The following NAALADL2 variants were observed in gnomAD, a reference collection of about 807,000 sequenced individuals.
NAALADL2 encodes the protein N-acetylated alpha-linked acidic dipeptidase like 2.
NAALADL2 carries 76 observed loss-of-function variants against 87.2 expected under a neutral mutation model. That is an observed-to-expected ratio of 0.87 (90% CI 0.72 to 1.05). The LOEUF is 1.05. NAALADL2 is among the 50% of genes least tolerant of loss of function. NAALADL2 has a pLI of 0.00. For missense variants in NAALADL2, 1,089 were observed against 945.8 expected, an observed-to-expected ratio of 1.15 and a Z score of -1.99; for synonymous variants, 354 against 331.0, an observed-to-expected ratio of 1.07 and a Z score of -0.75.
intron 2 of NAALADL2, among the ~76,000 whole-genome samples, chr3:174,682,349 A>T (rs74475356): frequency 1.3e-5 from 2 of 152,160 alleles, no homozygotes; most frequent in African/African-American, 4.8e-5. Context: ...GAAGGGAAGG[A>T]CACAAGCCTG....
At chr3:175,441,014 T>C (rs1233117623) in intron 5 of NAALADL2, among the ~76,000 whole-genome samples, 3 of 152,146 alleles carry the variant, frequency 2.0e-5, no homozygotes, top group Non-Finnish European at 4.4e-5. Flanking sequence ...TTTACTGATA[T>C]AGTTAATTTG....
chr3:175,192,865 G>GT (rs992333717), intron 2 of NAALADL2, among the ~76,000 whole-genome samples: 2 of 151,484 alleles, frequency 1.3e-5, no homozygotes, highest in Non-Finnish European at 3.0e-5. Context: ...ATTTTGATCA[G>GT]TTTAAAATTT....
intron 2 of NAALADL2, among the ~76,000 whole-genome samples, chr3:175,190,315 G>A (rs1336849915): frequency 2.6e-5 from 4 of 152,060 alleles, no homozygotes; most frequent in South Asian, 2.1e-4. Context: ...TCTCTGTTAA[G>A]GGGTTAATAT....
At chr3:174,454,448 A>G (rs1156660924) in intron 1 of NAALADL2, among the ~76,000 whole-genome samples, 2 of 152,142 alleles carry the variant, frequency 1.3e-5, no homozygotes, top group Non-Finnish European at 2.9e-5. Context: ...TCTTCTCATC[A>G]CCACATTACA....
intron 2 of NAALADL2, among the ~76,000 whole-genome samples, chr3:175,143,752 A>C (rs568205719): frequency 3.0e-4 from 46 of 151,996 alleles, no homozygotes; most frequent in East Asian, 2.5e-3. Flanking sequence ...TTGGGGAATA[A>C]ATGTATTCTC....
chr3:175,632,266 T>TTCTCTCTCTCTC lies in NAALADL2; in HGVS notation c.1896+4913_1896+4924dup, dbSNP rs61458338. Among the ~76,000 whole-genome samples, 152 of 129,546 alleles carry TTCTCTCTCTCTC rather than the reference T, an allele frequency of 1.2e-3. 1 individual carries two copies. The highest frequency in any genetic ancestry group is 3.8e-3 in the African/African-American group (143 of 37,186). 85.0% of individuals were successfully genotyped at this position (129,546 alleles called of 152,430 possible). A position where few individuals can be genotyped will look rare whatever the true frequency, so the allele number is the denominator to read the frequency against. On this transcript the variant is annotated intron_variant, in intron 11 of 13. Coordinates refer to ENST00000454872, the MANE Select transcript of NAALADL2 (RefSeq NM_207015.3). Reference sequence around the variant, plus strand: ...TTTAAAAGTGTGTGGCACTTTCCCCTTCTCTCTCTCTCTCTCTCTCTCTCT... The same window carrying TTCTCTCTCTCTC: ...TTTAAAAGTGTGTGGCACTTTCCCCTTCTCTCTCTCTCTCTCTCTCTCTCTCTCTCTCTCTCT...
chr3:174,775,564 G>A (rs1301562852), intron 3 of NAALADL2, among the ~76,000 whole-genome samples: 4 of 151,482 alleles, frequency 2.6e-5, no homozygotes, highest in Non-Finnish European at 5.9e-5. Flanking sequence ...TTGTAGAAAT[G>A]CAGTTAAGCA....
intron 10 of NAALADL2, among the ~76,000 whole-genome samples, chr3:175,609,069 G>A (rs546114409): frequency 6.6e-6 from 1 of 151,870 alleles, no homozygotes; most frequent in South Asian, 2.1e-4. Flanking sequence ...TTTCACTTTG[G>A]AGCAGCAGTG....
At chr3:174,708,599 T>C (rs1415744697) in intron 2 of NAALADL2, among the ~76,000 whole-genome samples, 1 of 152,200 alleles carries the variant, frequency 6.6e-6, no homozygotes, top group Non-Finnish European at 1.5e-5. Flanking sequence ...ATAAATTTTA[T>C]GAGTCAAATG....
At chr3:174,562,593 A>C (rs913498205) in intron 2 of NAALADL2, among the ~76,000 whole-genome samples, 1 of 152,106 alleles carries the variant, frequency 6.6e-6, no homozygotes, top group East Asian at 1.9e-4. Flanking sequence ...ATATATTAGC[A>C]TTCTTTTTGC....
At position 175,340,040 on chromosome 3, in the gene NAALADL2, T is replaced by C. The variant is rs540866541; in HGVS notation, c.1090+15715T>C. Reference sequence around the variant, plus strand: ...AGAGTTTCATGGGTGTGGCATATGATATTCACTGTTACTACTAACTCTCTA... The same window carrying C: ...AGAGTTTCATGGGTGTGGCATATGACATTCACTGTTACTACTAACTCTCTA... On this transcript the variant is annotated intron_variant, in intron 5 of 13. Transcript: ENST00000454872. 1.4e-3 allele frequency among the ~76,000 whole-genome samples: 212 copies of C among 152,306 alleles called. 1 individual carries two copies. The highest frequency in any genetic ancestry group is 2.5e-3 in the Non-Finnish European group (169 of 68,020).
chr3:175,133,743 G>C (rs1369368287), intron 2 of NAALADL2, among the ~76,000 whole-genome samples: 3 of 152,132 alleles, frequency 2.0e-5, no homozygotes, highest in Admixed American at 1.3e-4. Flanking sequence ...CGTGGGGAGA[G>C]GGAGAGGGAG....
At chr3:175,473,464 T>C (rs1200275508) in intron 9 of NAALADL2, among the ~76,000 whole-genome samples, 2 of 151,990 alleles carry the variant, frequency 1.3e-5, no homozygotes, top group African/African-American at 4.8e-5. Context: ...TTTAGAAGGT[T>C]AGGAATATCA....
At chr3:175,397,807 A>G in intron 5 of NAALADL2, among the ~76,000 whole-genome samples, 1 of 152,302 alleles carries the variant, frequency 6.6e-6, no homozygotes, top group African/African-American at 2.4e-5. Flanking sequence ...TACTGTTTAC[A>G]GTTTCATAGC....
chr3:175,741,750 G>A (rs1745265288), intron 12 of NAALADL2, among the ~76,000 whole-genome samples: 1 of 152,058 alleles, frequency 6.6e-6, no homozygotes, highest in Admixed American at 6.5e-5. Context: ...GGAGAAAAGA[G>A]CTGTTTCCTC....
At chr3:175,577,301 A>G (rs544432787) in intron 10 of NAALADL2, among the ~76,000 whole-genome samples, 5 of 152,340 alleles carry the variant, frequency 3.3e-5, no homozygotes, top group Admixed American at 2.0e-4. Flanking sequence ...TAGAGGGTTT[A>G]GCTAACCTTG....
intron 5 of NAALADL2, among the ~76,000 whole-genome samples, chr3:175,339,012 T>C (rs1762316871): frequency 6.6e-6 from 1 of 152,130 alleles, no homozygotes; most frequent in South Asian, 2.1e-4. Flanking sequence ...TTTGAAAGCG[T>C]CACTGAAACA....
At chr3:175,226,916 A>G (rs561926790) in intron 2 of NAALADL2, among the ~76,000 whole-genome samples, 1 of 152,222 alleles carries the variant, frequency 6.6e-6, no homozygotes, top group African/African-American at 2.4e-5. Context: ...TGTAATCTTT[A>G]AATTTATCAC....
intron 2 of NAALADL2, among the ~76,000 whole-genome samples, chr3:174,554,306 T>G (rs1327460433): frequency 6.6e-6 from 1 of 152,132 alleles, no homozygotes; most frequent in African/African-American, 2.4e-5. Context: ...ATGAATATTT[T>G]TCAATATTAT....
Sources: gnomAD v4.1 joint callset for allele counts (sites outside exome capture counted in the v4.1 genomes callset) on GRCh38, gnomAD v4.1.1 for gene constraint, MANE v1.5 for transcripts, NCBI Gene and HGNC (gene_info 2026-07-23, HGNC 2026-07-21) for gene names.